The following CPEB2 variants were observed in gnomAD, a reference collection of about 807,000 sequenced individuals.
CPEB2 encodes the protein cytoplasmic polyadenylation element binding protein 2, also known as cytoplasmic polyadenylation element-binding protein 2.
In CPEB2, 56 loss-of-function variants were observed where a neutral mutation model predicts 93.6. The ratio of observed to expected loss-of-function variants is 0.60; its 90% CI spans 0.48 to 0.75. CPEB2 has a LOEUF of 0.75. Among genes scored for constraint, CPEB2 ranks in the 30% least tolerant of loss-of-function variants. The pLI is 0.00. For synonymous variants in CPEB2, 764 were observed against 586.3 expected, an observed-to-expected ratio of 1.30 and a Z score of -4.38; for missense variants, 1,579 against 1,395.1, an observed-to-expected ratio of 1.13 and a Z score of -2.10.
chr4:15,043,419 C>T (rs1170796740), intron 6 of CPEB2, among the ~76,000 whole-genome samples: 6 of 152,078 alleles, frequency 3.9e-5, no homozygotes, highest in Non-Finnish European at 8.8e-5. Flanking sequence ...TTTAGAGCTG[C>T]CTAGGGGGCA....
chr4:15,017,243 T>G lies in CPEB2; in HGVS notation c.2090T>G (p.Ile697Ser), dbSNP rs1577382066. The part of the protein sequence containing the change: ...LNMHSLENSL[I>S]DIMRAEHDPL... ...ATGCACTCTTTGGAAAATTCCCTTA[T>G]CGATATTATGAGAGCAGAGCATGAT... The change falls in exon 4 of 12, where the codon ATC becomes AGC. Residue 697 changes from isoleucine to serine, a missense_variant. By Grantham distance (142) the Ile-to-Ser change is moderately radical. This residue lies in a region of CPEB2 where 1,411 missense variants were observed against 1,056.0 expected (regional missense o/e 1.34). Coordinates refer to ENST00000538197, the MANE Select transcript of CPEB2 (RefSeq NM_001177382.2). The G allele has an allele frequency of 6.2e-7, 1 of 1,602,722 alleles. No homozygotes were observed. The highest frequency in any genetic ancestry group is 8.5e-7 in the Non-Finnish European group (1 of 1,171,752).
intron 3 of CPEB2, among the ~76,000 whole-genome samples, chr4:15,016,291 G>T (rs1391123235): frequency 6.6e-6 from 1 of 151,992 alleles, no homozygotes; most frequent in Non-Finnish European, 1.5e-5. Flanking sequence ...TTATTTGGAG[G>T]GCATGGGCCA....
chr4:15,019,826 A>G (rs567191918), intron 4 of CPEB2, among the ~76,000 whole-genome samples: 101 of 152,152 alleles, frequency 6.6e-4, no homozygotes, highest in Middle Eastern at 3.4e-3. Context: ...GATATTAGTT[A>G]TCTCTCTATA....
chr4:15,045,154 A>C (rs1419944990), intron 6 of CPEB2, among the ~76,000 whole-genome samples: 1 of 151,816 alleles, frequency 6.6e-6, no homozygotes, highest in African/African-American at 2.4e-5. Context: ...TTTCTCCTCT[A>C]TCCTTTTCTG....
chr4:15,006,893 A>G (rs527457019), intron 1 of CPEB2, among the ~76,000 whole-genome samples: 1 of 152,342 alleles, frequency 6.6e-6, no homozygotes, highest in South Asian at 2.1e-4. Context: ...ATTTTAATTA[A>G]CAAAGACCAT....
intron 5 of CPEB2, among the ~76,000 whole-genome samples, chr4:15,034,091 G>A (rs550901875): frequency 5.3e-5 from 8 of 152,284 alleles, no homozygotes; most frequent in South Asian, 2.1e-4. Context: ...TCCAGGCCAC[G>A]TAGGAGATGG....
chr4:15,017,243 T>C lies in CPEB2; in HGVS notation c.2090T>C (p.Ile697Thr), dbSNP rs1577382066. 6.2e-7 allele frequency: 1 copy of C among 1,602,722 alleles called. No homozygotes were observed. ...ATGCACTCTTTGGAAAATTCCCTTATCGATATTATGAGAGCAGAGCATGAT... is the reference window on the plus strand; with the variant it reads ...ATGCACTCTTTGGAAAATTCCCTTACCGATATTATGAGAGCAGAGCATGAT... ...LNMHSLENSL[I>T]DIMRAEHDPL... The change falls in exon 4 of 12, where the codon ATC (isoleucine) becomes ACC (threonine). Residue 697 changes from isoleucine to threonine, a missense_variant. By Grantham distance (89) the Ile-to-Thr change is moderately conservative (BLOSUM62 -1). Coordinates refer to ENST00000538197, the MANE Select transcript of CPEB2 (RefSeq NM_001177382.2).
In CPEB2 at chr4:15,003,556, G is replaced by C. The variant is rs751199695; in HGVS notation, c.883G>C (p.Glu295Gln). 23 of 1,458,524 alleles carry C rather than the reference G, an allele frequency of 1.6e-5. No homozygotes were observed. The highest frequency in any genetic ancestry group is 6.5e-5 in the South Asian group (5 of 76,564). The allele number at this position is 1,458,524 out of a possible 1,614,324, so 90.3% of individuals were successfully genotyped here. A position where few individuals can be genotyped will look rare whatever the true frequency, so the allele number is the denominator to read the frequency against. ...TPAAGEGSAA[E>Q]SPNAGLASST... ...AGCCGCGGGCGAGGGCAGCGCCGCCGAGTCCCCCAATGCGGGCTTGGCCTC... is the reference window on the plus strand; with the variant it reads ...AGCCGCGGGCGAGGGCAGCGCCGCCCAGTCCCCCAATGCGGGCTTGGCCTC... The change falls in exon 1 of 12, where the codon GAG becomes CAG. Residue 295 changes from glutamate to glutamine, a missense_variant. Transcript: ENST00000538197.
chr4:15,019,283 T>C (rs1724554465), intron 4 of CPEB2, among the ~76,000 whole-genome samples: 1 of 151,796 alleles, frequency 6.6e-6, no homozygotes, highest in African/African-American at 2.4e-5. Flanking sequence ...TTTAAAATTA[T>C]CTTGGTACTA....
chr4:15,040,413 G>T, intron 5 of CPEB2, 51 bp from the exon 6 acceptor site: 2 of 1,509,682 alleles, frequency 1.3e-6, no homozygotes, highest in Non-Finnish European at 8.9e-7. Context: ...TGTATATGTG[G>T]GCTTATTTTT....
chr4:15,035,105 GA>G (rs1244867375), intron 5 of CPEB2, among the ~76,000 whole-genome samples: 1 of 152,154 alleles, frequency 6.6e-6, no homozygotes, highest in Non-Finnish European at 1.5e-5. Flanking sequence ...AACTCACTTT[GA>G]GGCATTTGGT....
chr4:15,016,062 G>A (rs1392755961), intron 3 of CPEB2, among the ~76,000 whole-genome samples: 1 of 151,966 alleles, frequency 6.6e-6, no homozygotes, highest in Admixed American at 6.6e-5. Context: ...GGTCTCTCTT[G>A]AAGCTAATGG....
chr4:15,033,284 C>A (rs946750977), intron 5 of CPEB2, 73 bp downstream of exon 5: 19 of 904,952 alleles, frequency 2.1e-5, no homozygotes, highest in Admixed American at 1.9e-4. Context: ...TTTCTCTGAA[C>A]CTGTCCATAC....
chr4:15,030,401 T>C (rs935725382), intron 4 of CPEB2, among the ~76,000 whole-genome samples: 1 of 152,074 alleles, frequency 6.6e-6, no homozygotes, highest in Non-Finnish European at 1.5e-5. Context: ...CTTTTTGTGA[T>C]ATAGTGTTGT....
At position 15,003,555 on chromosome 4, in the gene CPEB2, C is replaced by G; in HGVS notation, c.882C>G (p.Ala294=). The change falls in exon 1 of 12, where the codon GCC becomes GCG. Residue 294 remains alanine (A), a synonymous_variant. Coordinates refer to ENST00000538197, the MANE Select transcript of CPEB2 (RefSeq NM_001177382.2). The stretch of plus-strand genomic sequence containing the variant: ...CAGCCGCGGGCGAGGGCAGCGCCGC[C>G]GAGTCCCCCAATGCGGGCTTGGCCT... ...KTPAAGEGSA[A]ESPNAGLASS... The G allele has an allele frequency of 6.9e-7, 1 of 1,458,466 alleles. No individual in the cohort carries two copies. Among genetic ancestry groups the G allele is most frequent in the Non-Finnish European group, 9.0e-7 (1 of 1,108,078 alleles). The allele number at this position is 1,458,466 out of a possible 1,614,324, so 90.3% of individuals were successfully genotyped here.
At chr4:15,012,179 C>T (rs1181150993) in intron 3 of CPEB2, among the ~76,000 whole-genome samples, 3 of 152,136 alleles carry the variant, frequency 2.0e-5, no homozygotes, top group Admixed American at 2.0e-4. Flanking sequence ...GTTACATGCC[C>T]ACTGAAAATG....
intron 1 of CPEB2, among the ~76,000 whole-genome samples, chr4:15,006,763 C>T (rs1722864949): frequency 6.6e-6 from 1 of 152,156 alleles, no homozygotes; most frequent in South Asian, 2.1e-4. Flanking sequence ...GACATAGTTT[C>T]TATACTGTCC....
chr4:15,041,277 A>G (rs997294587), intron 6 of CPEB2, among the ~76,000 whole-genome samples: 12 of 152,208 alleles, frequency 7.9e-5, no homozygotes, highest in African/African-American at 2.9e-4. Context: ...TAAATGAGCA[A>G]TAATCATGAT....
In CPEB2 at chr4:15,054,165, G is replaced by A. The variant is rs753249211; in HGVS notation, c.2409G>A (p.Leu803=). Residue 803 remains leucine (L), a synonymous_variant, in exon 8 of 12, where the codon TTG becomes TTA. Transcript: ENST00000538197. ...CTAGCTTCAGAAGATTTGGGCCTTT[G>A]GTAGTAGATTGGCCTCATAAAGCAG... The part of the protein sequence containing the change: ...ITASFRRFGP[L]VVDWPHKAES... 1 of 1,611,026 alleles carries A rather than the reference G, an allele frequency of 6.2e-7. No individual in the cohort carries two copies. Among genetic ancestry groups the A allele is most frequent in the South Asian group, 1.1e-5 (1 of 90,572 alleles).
Sources: gnomAD v4.1 joint callset for allele counts (sites outside exome capture counted in the v4.1 genomes callset) on GRCh38, gnomAD v4.1.1 for gene constraint, gnomAD v4.1.1 regional missense constraint, MANE v1.5 for transcripts, NCBI Gene and HGNC (gene_info 2026-07-23, HGNC 2026-07-21) for gene names.